C9orf72: variants seen among roughly 807,000 people sequenced by gnomAD.
C9orf72 encodes C9orf72-SMCR8 complex subunit, also known as guanine nucleotide exchange factor C9orf72.
A neutral mutation model predicts 51.6 loss-of-function variants in C9orf72; 44 were observed. That is an observed-to-expected ratio of 0.85 (90% confidence interval 0.67 to 1.10). The LOEUF (loss-of-function observed/expected upper bound fraction) is 1.10, where lower values mean the gene tolerates loss of function less well. C9orf72 is among the 50% of genes least tolerant of loss of function. The probability of loss-of-function intolerance (pLI) is 0.00; values close to 1 mark genes in which losing one functional copy is unlikely to be tolerated. For synonymous variants in C9orf72, 213 were observed against 194.2 expected (o/e 1.10, Z -0.81); for missense variants, 607 against 570.6 (o/e 1.06, Z -0.65).
chr9:27,548,577 T>C lies in C9orf72; in HGVS notation c.1239A>G (p.Ile413Met), dbSNP rs750942348. 3.1e-6 allele frequency: 5 copies of C among 1,599,156 alleles called. No individual in the cohort carries two copies. Among genetic ancestry groups the C allele is most frequent in the Non-Finnish European group, 4.3e-6 (5 of 1,166,454 alleles). ...CTCACGTATCGTCTTCTATATATTT[T>C]ATTAGTGTCAAGGCTTTTCTGTGAA... ...LVLHRKALTL[I>M]KYIEDDTQKG... is the part of the protein sequence containing the mutation. The change falls in exon 10 of 11, where the codon ATA becomes ATG. Residue 413 changes from isoleucine (I) to methionine (M), a missense_variant. Transcript: ENST00000380003.
In C9orf72 at chr9:27,573,478, A is replaced by G. The variant is rs1475774844; in HGVS notation, c.-92T>C. ...CCGCCGCCGCGGGCGCAGGCACCGC[A>G]ACCGCAGCCCCGCCCCGGGCCCGCC... On this transcript the variant is annotated 5_prime_UTR_variant, in exon 1 of 11. Coordinates refer to ENST00000380003, the MANE Select transcript of C9orf72 (RefSeq NM_018325.5). 2.3e-5 allele frequency: 3 copies of G among 128,276 alleles called. No homozygotes were observed. Among genetic ancestry groups the G allele is most frequent in the Non-Finnish European group, 5.2e-5 (3 of 58,046 alleles). The allele number at this position is 128,276 out of a possible 1,614,324, so 7.9% of individuals were successfully genotyped here. A position where few individuals can be genotyped will look rare whatever the true frequency, so the allele number is the denominator to read the frequency against.
In C9orf72 at chr9:27,548,243, GTCATTAGAACA is replaced by G; in HGVS notation, c.1428_1438del (p.Val477PhefsTer5). 3 of 1,605,280 alleles carry G rather than the reference GTCATTAGAACA, an allele frequency of 1.9e-6. No homozygotes were observed. Among genetic ancestry groups the G allele is most frequent in the Non-Finnish European group, 2.6e-6 (3 of 1,175,540 alleles). On this transcript the variant is annotated frameshift_variant, in exon 11 of 11. Transcript: ENST00000380003. LOFTEE classifies it high-confidence loss of function. Reference sequence around the variant, plus strand: ...GCTTATTAAGTTACACATTTAAAAAGTCATTAGAACATCTCGTTCTTGCACACTAGTGTAGA... The same window carrying G: ...GCTTATTAAGTTACACATTTAAAAAGTCTCGTTCTTGCACACTAGTGTAGA...
chr9:27,567,768 T>C (rs1168076746), intron 1 of C9orf72, among the ~76,000 whole-genome samples: 5 of 151,942 alleles, frequency 3.3e-5, no homozygotes, highest in South Asian at 2.1e-4. Context: ...AGGAGAGAGA[T>C]TTGGAGACAC....
chr9:27,567,636 T>C (rs149769268), intron 1 of C9orf72, among the ~76,000 whole-genome samples: 61 of 152,204 alleles, frequency 4.0e-4, no homozygotes, highest in African/African-American at 1.4e-3. Flanking sequence ...CAAAAAGATA[T>C]GTTCAATTCC....
At chr9:27,570,410 T>A (rs1177296536) in intron 1 of C9orf72, among the ~76,000 whole-genome samples, 1 of 152,242 alleles carries the variant, frequency 6.6e-6, no homozygotes, top group Non-Finnish European at 1.5e-5. Flanking sequence ...AAGGCAATAT[T>A]ACAACTCTAA....
intron 1 of C9orf72, chr9:27,571,152 T>C (rs1819578235): frequency 6.6e-6 from 1 of 152,194 alleles, no homozygotes; most frequent in South Asian, 2.1e-4. Context: ...TGCTGTCTAC[T>C]CCAGAGAGTT....
Position 27,556,564 on chromosome 9 carries a change from T to A in C9orf72, c.1088A>T (p.Asp363Val), listed in dbSNP as rs1587306498. ...IIYTDESFTP[D>V]LNIFQDVLHR... ...CAGCAGGCAGAGCATTACGTACAAA[T>A]CAGGAGTAAAGCTTTCGTCAGTGTA... Residue 363 changes from aspartate to valine, a missense_variant, in exon 8 of 11, where the codon GAT (aspartate) becomes GTT (valine). Transcript: ENST00000380003. 1 of 1,604,432 alleles carries A rather than the reference T, an allele frequency of 6.2e-7. No homozygotes were observed. Among genetic ancestry groups the A allele is most frequent in the East Asian group, 2.2e-5 (1 of 44,782 alleles).
At chr9:27,573,196 T>C (rs1819627793) in intron 1 of C9orf72, among the ~76,000 whole-genome samples, 1 of 150,884 alleles carries the variant, frequency 6.6e-6, no homozygotes, top group Non-Finnish European at 1.5e-5. Context: ...CAGATCCCCA[T>C]CCCTTGTCCC....
intron 8 of C9orf72, among the ~76,000 whole-genome samples, chr9:27,553,326 A>G (rs913792862): frequency 3.9e-5 from 6 of 152,222 alleles, no homozygotes; most frequent in African/African-American, 1.4e-4. Flanking sequence ...CTAAAAGGCT[A>G]TAGGAACCTG....
intron 8 of C9orf72, chr9:27,554,581 C>T (rs1820972424): frequency 1.5e-5 from 6 of 398,138 alleles, no homozygotes; most frequent in Admixed American, 8.8e-5. Context: ...ACCCTCATGA[C>T]ACGCAATTTA....
rs191120657 is a variant in C9orf72, at chr9:27,565,361, C to T, written c.504+170G>A. On this transcript the variant is annotated intron_variant, in intron 3 of 10. Transcript: ENST00000380003. ...TTTTCCTTTGTTTACTGATTTAACTCTTTGGGTTTAAGATATGGAAATCTT... is the reference window on the plus strand; with the variant it reads ...TTTTCCTTTGTTTACTGATTTAACTTTTTGGGTTTAAGATATGGAAATCTT... Among the ~76,000 whole-genome samples, 3 of 151,976 alleles carry T rather than the reference C, an allele frequency of 2.0e-5. No homozygotes were observed. In the East Asian group the frequency reaches 5.8e-4, roughly 29 times the overall value.
chr9:27,557,180 A>G (rs1002560252), intron 7 of C9orf72, among the ~76,000 whole-genome samples: 4 of 152,200 alleles, frequency 2.6e-5, no homozygotes, highest in African/African-American at 9.6e-5. Flanking sequence ...AATACATGCA[A>G]AAGGGAAAAA....
intron 9 of C9orf72, 62 bp downstream of exon 9, chr9:27,550,588 A>C: frequency 2.0e-6 from 2 of 999,930 alleles, no homozygotes; most frequent in Non-Finnish European, 3.1e-6. Context: ...GCATTGTAGG[A>C]TATATTAAAA....
chr9:27,559,279 A>AC (rs1554660531), intron 6 of C9orf72: 2 of 151,412 alleles, frequency 1.3e-5, no homozygotes, highest in Non-Finnish European at 2.9e-5. Context: ...AAAAAAAAAA[A>AC]AAAAAACACT....
chr9:27,546,997 T>C lies in C9orf72; in HGVS notation c.*1239A>G, dbSNP rs1008809033. 4 of 152,546 alleles carry C rather than the reference T, an allele frequency of 2.6e-5. No homozygotes were observed. The highest frequency in any genetic ancestry group is 4.1e-4 in the South Asian group (2 of 4,836). The allele number at this position is 152,546 out of a possible 1,614,324, so 9.4% of individuals were successfully genotyped here. A position where few individuals can be genotyped will look rare whatever the true frequency, so the allele number is the denominator to read the frequency against. The stretch of plus-strand genomic sequence containing the variant: ...ATTACTTCCAGAATTTTAAATAAAA[T>C]ATTTATTTGTGTTTGTGTAACTACA... On this transcript the variant is annotated 3_prime_UTR_variant, in exon 11 of 11. Transcript: ENST00000380003.
intron 8 of C9orf72, among the ~76,000 whole-genome samples, chr9:27,554,030 G>A (rs915607511): frequency 7.2e-5 from 11 of 152,170 alleles, no homozygotes; most frequent in South Asian, 2.1e-4. Flanking sequence ...TGTTGGCAAG[G>A]TTGTGGAGAA....
intron 5 of C9orf72, chr9:27,560,545 T>G (rs1182067148): frequency 3.0e-6 from 2 of 676,542 alleles, no homozygotes; most frequent in Non-Finnish European, 3.9e-6. Context: ...ATTTAATTAA[T>G]GTATTTATTT....
chr9:27,548,266 C>T lies in C9orf72; in HGVS notation c.1416G>A (p.Val472=). The change falls in exon 11 of 11, where the codon GTG becomes GTA. Residue 472 remains valine (V), a synonymous_variant. Transcript: ENST00000380003. ...AAGTCATTAGAACATCTCGTTCTTG[C>T]ACACTAGTGTAGAAAGGTCTTCCAA... is the stretch of plus-strand genomic sequence containing the variant. ...FIFGRPFYTS[V]QERDVLMTF is the part of the protein sequence containing the mutation. The T allele has an allele frequency of 6.2e-7, 1 of 1,609,828 alleles. No homozygotes were observed. The highest frequency in any genetic ancestry group is 8.5e-7 in the Non-Finnish European group (1 of 1,178,306).
intron 8 of C9orf72, among the ~76,000 whole-genome samples, chr9:27,553,998 T>C (rs1033527636): frequency 1.3e-5 from 2 of 152,084 alleles, no homozygotes; most frequent in Non-Finnish European, 2.9e-5. Flanking sequence ...TGGCTATTAT[T>C]AAAAAGTCAA....
Sources: gnomAD v4.1 joint callset for allele counts (sites outside exome capture counted in the v4.1 genomes callset) on GRCh38, gnomAD v4.1.1 for gene constraint, MANE v1.5 for transcripts, NCBI Gene and HGNC (gene_info 2026-07-23, HGNC 2026-07-21) for gene names.